The following RANBP17 variants were observed in gnomAD, a reference collection of about 807,000 sequenced individuals.
The protein encoded by RANBP17 is RAN binding protein 17, also known as ran-binding protein 17.
A neutral mutation model predicts 141.2 loss-of-function variants in RANBP17; 158 were observed. The observed-to-expected ratio is 1.12, with a 90% confidence interval of 0.98 to 1.28. The LOEUF (loss-of-function observed/expected upper bound fraction) is 1.28. RANBP17 is among the 50% of genes most tolerant of loss of function. The pLI is 0.00. For missense variants in RANBP17, 1,438 were observed against 1,290.7 expected (o/e 1.11, Z -1.75); for synonymous variants, 430 against 450.0 (o/e 0.96, Z 0.56).
intron 8 of RANBP17, among the ~76,000 whole-genome samples, chr5:170,915,054 T>A (rs1771835769): frequency 6.6e-6 from 1 of 152,130 alleles, no homozygotes; most frequent in African/African-American, 2.4e-5. Flanking sequence ...AGGTAGTGCT[T>A]TTTAAACTGG....
intron 24 of RANBP17, among the ~76,000 whole-genome samples, chr5:171,263,378 G>C (rs1461618925): frequency 6.6e-6 from 1 of 152,182 alleles, no homozygotes; most frequent in Non-Finnish European, 1.5e-5. Context: ...GTGTCATGCT[G>C]ATTCAAAACC....
At chr5:170,879,177 CAT>C (rs926541163) in intron 2 of RANBP17, among the ~76,000 whole-genome samples, 2 of 152,058 alleles carry the variant, frequency 1.3e-5, no homozygotes, top group African/African-American at 4.8e-5. Context: ...TATCTTTTCA[CAT>C]AGATAGGTAC....
At chr5:170,967,568 G>A (rs10051958) in intron 13 of RANBP17, among the ~76,000 whole-genome samples, 92,163 of 150,652 alleles carry the variant, frequency 0.61, 29,562 homozygotes, top group South Asian at 0.88. Context: ...AGCTTTTTCT[G>A]TAGGAAATTT....
chr5:170,933,923 A>G (rs4320275), intron 12 of RANBP17, among the ~76,000 whole-genome samples: 92,891 of 151,864 alleles, frequency 0.61, 29,796 homozygotes, highest in South Asian at 0.88. Flanking sequence ...GTAGATGTCT[A>G]TTAGGTCTGC....
intron 14 of RANBP17, among the ~76,000 whole-genome samples, chr5:170,974,287 T>A (rs1457695): frequency 0.67 from 101,955 of 152,016 alleles, 34,472 homozygotes; most frequent in South Asian, 0.89. Flanking sequence ...CACAGGGTAG[T>A]CCTTGCCATT....
chr5:171,167,946 T>C (rs1424487857), intron 14 of RANBP17, among the ~76,000 whole-genome samples: 1 of 152,234 alleles, frequency 6.6e-6, no homozygotes, highest in Non-Finnish European at 1.5e-5. Context: ...ATGTGCTTAA[T>C]GGGAAAAGTC....
chr5:171,072,220 C>T (rs1273711699), intron 14 of RANBP17, among the ~76,000 whole-genome samples: 3 of 151,970 alleles, frequency 2.0e-5, no homozygotes, highest in Non-Finnish European at 4.4e-5. Flanking sequence ...AAGGGGCAGG[C>T]GTGATTTCTA....
intron 14 of RANBP17, among the ~76,000 whole-genome samples, chr5:171,076,799 T>A (rs1303697600): frequency 3.3e-5 from 5 of 152,124 alleles, no homozygotes; most frequent in Non-Finnish European, 7.4e-5. Context: ...ATGATCTTAC[T>A]AAAGAAAAAC....
In RANBP17 at chr5:171,183,298, G is replaced by A. The variant is rs756663902; in HGVS notation, c.1930-24G>A. The A allele has an allele frequency of 1.9e-6, 3 of 1,588,600 alleles. No homozygotes were observed. The Admixed American group carries it at 5.0e-5, about 26-fold the overall frequency. ...AGTTGAGGTAAAGTGTTAGTAACTT[G>A]GATTACTCTTTTGCTTTCATTAGAG... On this transcript the variant is annotated intron_variant, in intron 17 of 27. Transcript: ENST00000523189.
intron 14 of RANBP17, among the ~76,000 whole-genome samples, chr5:171,002,697 T>C (rs1021692010): frequency 6.6e-6 from 1 of 152,052 alleles, no homozygotes; most frequent in African/African-American, 2.4e-5. Flanking sequence ...CAGTGATAGA[T>C]GTGGAAGATA....
chr5:171,148,086 T>TTAC (rs1308723691), intron 14 of RANBP17, among the ~76,000 whole-genome samples: 1 of 152,048 alleles, frequency 6.6e-6, no homozygotes, highest in Non-Finnish European at 1.5e-5. Flanking sequence ...ATCTGTGACC[T>TTAC]TACCCCCAAC....
intron 24 of RANBP17, among the ~76,000 whole-genome samples, chr5:171,255,529 A>G (rs1322846360): frequency 6.6e-6 from 1 of 152,158 alleles, no homozygotes; most frequent in South Asian, 2.1e-4. Flanking sequence ...CCTTGTTCAC[A>G]TCTACACCAT....
intron 14 of RANBP17, among the ~76,000 whole-genome samples, chr5:171,068,569 TTTG>T (rs35125398): frequency 0.012 from 1,810 of 149,022 alleles, 20 homozygotes; most frequent in African/African-American, 0.022. Context: ...TTACTTTCCT[TTTG>T]TTGTTGTTGT....
At chr5:171,261,090 CAAAAAAAAAAACCAAAAG>C (rs764390887) in intron 24 of RANBP17, among the ~76,000 whole-genome samples, 5 of 68,490 alleles carry the variant, frequency 7.3e-5, no homozygotes, top group South Asian at 1.4e-3. Context: ...CCACCCCCCC[CAAAAAAAAAAACCAAAAG>C]AAAAAAAAAA....
intron 14 of RANBP17, among the ~76,000 whole-genome samples, chr5:171,136,756 G>A (rs532671998): frequency 3.6e-4 from 55 of 152,152 alleles, no homozygotes; most frequent in African/African-American, 1.3e-3. Context: ...TCTGCCTTTG[G>A]TGGCTAATTA....
At chr5:171,064,400 C>T (rs1355552095) in intron 14 of RANBP17, among the ~76,000 whole-genome samples, 1 of 152,166 alleles carries the variant, frequency 6.6e-6, no homozygotes, top group Non-Finnish European at 1.5e-5. Flanking sequence ...ATTTGCATTT[C>T]TCTTTTATAT....
At chr5:171,114,842 G>A (rs943961933) in intron 14 of RANBP17, among the ~76,000 whole-genome samples, 1 of 151,846 alleles carries the variant, frequency 6.6e-6, no homozygotes, top group African/African-American at 2.4e-5. Flanking sequence ...GGCCAAGTAT[G>A]GTAGCTCAAG....
At chr5:170,967,061 A>G (rs979669737) in intron 13 of RANBP17, among the ~76,000 whole-genome samples, 1 of 152,198 alleles carries the variant, frequency 6.6e-6, no homozygotes, top group Non-Finnish European at 1.5e-5. Context: ...AAAGAAATGG[A>G]AGAACATTCC....
chr5:171,110,832 T>C (rs1009072064), intron 14 of RANBP17, among the ~76,000 whole-genome samples: 1 of 151,812 alleles, frequency 6.6e-6, no homozygotes, highest in African/African-American at 2.4e-5. Flanking sequence ...GACTCCCCTC[T>C]CTGGTAATAA....
Sources: allele counts gnomAD v4.1 joint callset (sites outside exome capture counted in the v4.1 genomes callset), GRCh38; gene constraint gnomAD v4.1.1; transcripts MANE v1.5; gene names NCBI Gene and HGNC (gene_info 2026-07-23, HGNC 2026-07-21).